The following KIAA0825 variants were observed in gnomAD, a reference collection of about 807,000 sequenced individuals.
KIAA0825 encodes uncharacterized protein KIAA0825.
Under a neutral mutation model 147.6 loss-of-function variants are expected in KIAA0825, and 119 were observed. The ratio of observed to expected loss-of-function variants is 0.81; its 90% CI spans 0.69 to 0.94. The LOEUF is 0.94. Among genes scored for constraint, KIAA0825 ranks in the 40% least tolerant of loss-of-function variants. KIAA0825 has a pLI of 0.00. For missense variants in KIAA0825, 1,381 were observed against 1,472.7 expected, an observed-to-expected ratio of 0.94 and a Z score of 1.02; for synonymous variants, 470 against 518.1, an observed-to-expected ratio of 0.91 and a Z score of 1.26.
chr5:94,251,296 T>G (rs1314431430), intron 20 of KIAA0825, among the ~76,000 whole-genome samples: 2 of 152,098 alleles, frequency 1.3e-5, no homozygotes, highest in Non-Finnish European at 2.9e-5. Flanking sequence ...CAGTCTCCCT[T>G]GGCGGAACGT....
intron 20 of KIAA0825, among the ~76,000 whole-genome samples, chr5:94,164,597 G>C (rs922820262): frequency 6.6e-6 from 1 of 151,976 alleles, no homozygotes; most frequent in African/African-American, 2.4e-5. Context: ...ATTTTTAGTA[G>C]AGATGGGGTT....
At chr5:94,396,533 G>A in intron 16 of KIAA0825, 24 bp from the exon 17 acceptor site, 1 of 1,460,432 alleles carries the variant, frequency 6.8e-7, no homozygotes, top group South Asian at 1.5e-5. Flanking sequence ...GAAAAGGTAT[G>A]ATTAATATTA....
chr5:94,301,981 A>C (rs1455109203), intron 20 of KIAA0825, among the ~76,000 whole-genome samples: 1 of 152,158 alleles, frequency 6.6e-6, no homozygotes, highest in Non-Finnish European at 1.5e-5. Context: ...CATAACTCTG[A>C]AAACTGTATT....
intron 20 of KIAA0825, among the ~76,000 whole-genome samples, chr5:94,189,806 A>G (rs1327040952): frequency 6.6e-6 from 1 of 152,094 alleles, no homozygotes; most frequent in Non-Finnish European, 1.5e-5. Flanking sequence ...TTGCCAAATA[A>G]TCTTGTTTGA....
At chr5:94,277,790 T>C (rs985214167) in intron 20 of KIAA0825, among the ~76,000 whole-genome samples, 5 of 152,176 alleles carry the variant, frequency 3.3e-5, no homozygotes, top group Non-Finnish European at 7.3e-5. Flanking sequence ...TTATAAATCA[T>C]GCTACTATAA....
chr5:94,428,841 G>A (rs1383911157), intron 14 of KIAA0825, among the ~76,000 whole-genome samples: 1 of 152,060 alleles, frequency 6.6e-6, no homozygotes, highest in Non-Finnish European at 1.5e-5. Flanking sequence ...AATAATTAAT[G>A]GACTTGGTCA....
chr5:94,299,368 C>T (rs1778280005), intron 20 of KIAA0825, among the ~76,000 whole-genome samples: 2 of 151,540 alleles, frequency 1.3e-5, no homozygotes, highest in African/African-American at 4.9e-5. Flanking sequence ...AGGTGAGCAC[C>T]ATCACGCTTG....
At chr5:94,536,971 G>C (rs1046921558) in intron 3 of KIAA0825, 25 bp downstream of exon 3, 1 of 1,532,608 alleles carries the variant, frequency 6.5e-7, no homozygotes, top group Non-Finnish European at 8.9e-7. Flanking sequence ...AAAACAACTT[G>C]TTTTAAATAA....
At chr5:94,159,843 C>T (rs28637444) in intron 20 of KIAA0825, among the ~76,000 whole-genome samples, 13,540 of 152,122 alleles carry the variant, frequency 0.089, 766 homozygotes, top group Middle Eastern at 0.16. Context: ...TAACTTAAGC[C>T]TCCTGTTTAA....
chr5:94,271,479 G>A (rs1173776996), intron 20 of KIAA0825, among the ~76,000 whole-genome samples: 3 of 152,190 alleles, frequency 2.0e-5, no homozygotes, highest in African/African-American at 7.2e-5. Context: ...CGGGCATTGT[G>A]GCTCATGCCT....
At chr5:94,592,884 C>A in intron 1 of KIAA0825, 2 of 588,848 alleles carry the variant, frequency 3.4e-6, no homozygotes, top group South Asian at 3.1e-5. Flanking sequence ...GTGAACCACT[C>A]ATTATTCAGA....
At chr5:94,574,543 C>CAAAAAA (rs1181241238) in intron 2 of KIAA0825, among the ~76,000 whole-genome samples, 13 of 65,528 alleles carry the variant, frequency 2.0e-4, no homozygotes, top group Admixed American at 9.3e-4. Context: ...GACTCCATCT[C>CAAAAAA]AAAAAAAAAA....
At chr5:94,380,710 T>C (rs1444873902) in intron 20 of KIAA0825, among the ~76,000 whole-genome samples, 1 of 152,188 alleles carries the variant, frequency 6.6e-6, no homozygotes, top group Non-Finnish European at 1.5e-5. Flanking sequence ...GCACCAGCCA[T>C]GTGAAGAGCT....
rs556550987 is a variant in KIAA0825, at chr5:94,396,252, C to A, written c.3145G>T (p.Gly1049Cys). The change falls in exon 17 of 21, where the codon GGT (glycine) becomes TGT (cysteine). Residue 1049 changes from glycine to cysteine, a missense_variant. Coordinates refer to ENST00000682413, the MANE Select transcript of KIAA0825 (RefSeq NM_001145678.3). ...SLDRWSKEKL[G>C]LICMCLKSIM... The stretch of plus-strand genomic sequence containing the variant: ...CTTTTCAAACACATACAAATTAAAC[C>A]CAATTTTTCTTTACTCCATCTGTCA... The A allele has an allele frequency of 5.5e-4, 849 of 1,551,372 alleles. No individual in the cohort carries two copies. The highest frequency in any genetic ancestry group is 8.1e-4 in the Admixed American group (41 of 50,930).
Position 94,520,785 on chromosome 5 carries a change from A to G in KIAA0825, c.433T>C (p.Ser145Pro). 1 of 1,613,338 alleles carries G rather than the reference A, an allele frequency of 6.2e-7. No individual in the cohort carries two copies. Among genetic ancestry groups the G allele is most frequent in the Non-Finnish European group, 8.5e-7 (1 of 1,179,408 alleles). ...GTSFHFLSRTSLHSVEDNSSM... is the reference protein window; with the variant it reads ...GTSFHFLSRTPLHSVEDNSSM... ...GAATTATCTTCAACAGAATGAAGAG[A>G]CGTCCTAGAGAGGAAATGGAAAGAT... Residue 145 changes from serine (S) to proline (P), a missense_variant, in exon 5 of 21, where the codon TCT becomes CCT. Transcript: ENST00000682413.
chr5:94,611,507 A>G (rs1788772558), intron 1 of KIAA0825, among the ~76,000 whole-genome samples: 1 of 151,966 alleles, frequency 6.6e-6, no homozygotes, highest in South Asian at 2.1e-4. Flanking sequence ...ATTAAAAATG[A>G]CAAAAAGGTG....
intron 5 of KIAA0825, among the ~76,000 whole-genome samples, chr5:94,513,067 A>G (rs1291533504): frequency 6.6e-6 from 1 of 152,180 alleles, no homozygotes; most frequent in African/African-American, 2.4e-5. Flanking sequence ...ACTTGTCCAC[A>G]TATTTGTTCA....
At chr5:94,594,273 C>G in intron 1 of KIAA0825, 4 of 628,402 alleles carry the variant, frequency 6.4e-6, no homozygotes, top group Non-Finnish European at 1.2e-5. Context: ...CTTGGAATGC[C>G]CTGAGTTTCA....
In KIAA0825 at chr5:94,464,905, C is replaced by T. The variant is rs535654614; in HGVS notation, c.2027G>A (p.Arg676Gln). The T allele has an allele frequency of 2.7e-5, 42 of 1,551,574 alleles. No homozygotes were observed. The Admixed American group carries it at 5.7e-4, about 21-fold the overall frequency. The change falls in exon 11 of 21, where the codon CGG becomes CAG. Residue 676 changes from arginine to glutamine, a missense_variant. Physicochemically the swap from Arg to Gln is conservative, Grantham distance 43. Coordinates refer to ENST00000682413, the MANE Select transcript of KIAA0825 (RefSeq NM_001145678.3). The stretch of plus-strand genomic sequence containing the variant: ...AGTTCTTTTACGGCTGGGGTGGGCC[C>T]GAGCGTATCTGGAGGCCAGTAGACT... Reference protein sequence around the residue: ...SLSLLASRYARAHPSRKRTPQ... With the variant: ...SLSLLASRYAQAHPSRKRTPQ...
Sources: allele counts gnomAD v4.1 joint callset (sites outside exome capture counted in the v4.1 genomes callset), GRCh38; gene constraint gnomAD v4.1.1; transcripts MANE v1.5; gene names NCBI Gene and HGNC (gene_info 2026-07-23, HGNC 2026-07-21).